CAPS2: variants seen among roughly 807,000 people sequenced by gnomAD.
CAPS2 encodes the protein calcyphosin-2.
In CAPS2, 98 loss-of-function variants were observed where a neutral mutation model predicts 86.5. The ratio of observed to expected loss-of-function variants is 1.13; its 90% confidence interval spans 0.96 to 1.34. The LOEUF is 1.34. Ranked by LOEUF, CAPS2 falls within the 40% of genes most tolerant of loss-of-function variation. The pLI is 0.00. For missense variants in CAPS2, 729 were observed against 686.8 expected (o/e 1.06, Z -0.69); for synonymous variants, 210 against 225.1 (o/e 0.93, Z 0.60).
rs767092008 is a variant in CAPS2, at chr12:75,304,938, A to T, written c.660-62T>A. On this transcript the variant is annotated intron_variant, in intron 7 of 16. Transcript: ENST00000393284. ...GATCATGCATTACTTTAAAATTCAC[A>T]TATTTATAAGCAGTTCTAAAAGCTC... The T allele has an allele frequency of 1.5e-5, 23 of 1,537,652 alleles. No individual in the cohort carries two copies. In the East Asian group the frequency reaches 4.3e-4, roughly 29 times the overall value.
rs577486746 is a variant in CAPS2 at position 75,352,094 on chromosome 12, A to G, written c.-394-28872T>C. ...ACCAACAACACTATGAAGCAACTAT[A>G]TAAATCAGTCTGCAAAATAACCAGC... On this transcript the variant is annotated intron_variant, in intron 1 of 5. Coordinates refer to the CAPS2 transcript ENST00000551829. Among the ~76,000 whole-genome samples the G allele has an allele frequency of 3.3e-5, 5 of 152,356 alleles. No individual in the cohort carries two copies. The East Asian group carries it at 9.7e-4, about 29-fold the overall frequency.
chr12:75,349,132 C>A (rs996847361), intron 1 of CAPS2, among the ~76,000 whole-genome samples: 1 of 152,034 alleles, frequency 6.6e-6, no homozygotes, highest in Non-Finnish European at 1.5e-5. Context: ...AACACATGCA[C>A]GTGAGGAAAC....
Position 75,279,073 on chromosome 12 carries a change from A to G in CAPS2, c.1613-8T>C. ...CTTCCTCTGTTGAATGGCCTATAAA[A>G]TAGTACTGAGTATGAAACAGTTTCC... On this transcript the variant is annotated splice_region_variant and splice_polypyrimidine_tract_variant and intron_variant, in intron 16 of 16. Coordinates refer to ENST00000393284, the Ensembl canonical transcript of CAPS2. The G allele has an allele frequency of 6.4e-7, 1 of 1,572,476 alleles. No individual in the cohort carries two copies. Among genetic ancestry groups the G allele is most frequent in the East Asian group, 2.3e-5 (1 of 44,178 alleles).
At chr12:75,387,001 C>T (rs1225888518) in intron 1 of CAPS2, among the ~76,000 whole-genome samples, 1 of 151,986 alleles carries the variant, frequency 6.6e-6, no homozygotes, top group African/African-American at 2.4e-5. Flanking sequence ...TTTAATTTGG[C>T]AATAACCTTT....
intron 2 of CAPS2, 84 bp downstream of exon 3, chr12:75,325,155 T>C (rs1337206990): frequency 2.3e-6 from 3 of 1,283,358 alleles, no homozygotes; most frequent in African/African-American, 1.5e-5. Context: ...GCTACATTTA[T>C]AATTTTGCTT....
intron 3 of CAPS2, 44 bp downstream of exon 4, chr12:75,323,133 T>C (rs959684882): frequency 6.7e-7 from 1 of 1,494,868 alleles, no homozygotes; most frequent in African/African-American, 1.4e-5. Context: ...ATGTGTAATA[T>C]TGTGTTTTAA....
intron 1 of CAPS2, among the ~76,000 whole-genome samples, chr12:75,361,294 T>C (rs2043571674): frequency 1.3e-5 from 2 of 152,106 alleles, no homozygotes; most frequent in African/African-American, 4.8e-5. Context: ...TAGGTATATG[T>C]AAAATAGGTG....
chr12:75,378,006 T>G (rs2044751788), intron 1 of CAPS2, among the ~76,000 whole-genome samples: 1 of 152,076 alleles, frequency 6.6e-6, no homozygotes, highest in African/African-American at 2.4e-5. Flanking sequence ...TGATACTTTT[T>G]TTTCTTTTTG....
At chr12:75,338,215 G>C (rs1175175355) in intron 1 of CAPS2, among the ~76,000 whole-genome samples, 1 of 152,090 alleles carries the variant, frequency 6.6e-6, no homozygotes, top group Non-Finnish European at 1.5e-5. Context: ...ATAATCAATT[G>C]AATCCAGCAA....
intron 1 of CAPS2, among the ~76,000 whole-genome samples, chr12:75,366,074 CA>C (rs1435626403): frequency 6.6e-6 from 1 of 151,946 alleles, no homozygotes; most frequent in Non-Finnish European, 1.5e-5. Flanking sequence ...ATTTTAAAGC[CA>C]GTTTATTTAT....
At chr12:75,345,795 C>T (rs947133801) in intron 1 of CAPS2, among the ~76,000 whole-genome samples, 1 of 152,144 alleles carries the variant, frequency 6.6e-6, no homozygotes, top group Non-Finnish European at 1.5e-5. Flanking sequence ...TTTGTCTTCT[C>T]TTTTGCTGTA....
At chr12:75,367,846 G>A (rs754677804) in intron 1 of CAPS2, among the ~76,000 whole-genome samples, 1 of 152,060 alleles carries the variant, frequency 6.6e-6, no homozygotes, top group African/African-American at 2.4e-5. Context: ...TTGAGCATAA[G>A]CTGTAACAAT....
At chr12:75,334,626 G>A (rs1344475623), upstream of CAPS2, 1 of 1,522,690 alleles carries the variant, frequency 6.6e-7, no homozygotes, top group African/African-American at 1.4e-5. Flanking sequence ...CGGCAGGATG[G>A]AGCCAAGGGA....
chr12:75,315,169 C>T (rs1011678023), intron 6 of CAPS2, among the ~76,000 whole-genome samples: 1 of 152,018 alleles, frequency 6.6e-6, no homozygotes. Context: ...ATACATTGCT[C>T]CTAATAATGT....
At chr12:75,302,253 C>T (rs910894837) in intron 8 of CAPS2, among the ~76,000 whole-genome samples, 2 of 152,092 alleles carry the variant, frequency 1.3e-5, no homozygotes, top group Non-Finnish European at 2.9e-5. Context: ...TTTCATGGAC[C>T]TAGATTAGCT....
At chr12:75,373,115 G>A (rs1269824056) in intron 1 of CAPS2, among the ~76,000 whole-genome samples, 1 of 152,204 alleles carries the variant, frequency 6.6e-6, no homozygotes, top group Non-Finnish European at 1.5e-5. Context: ...CTCTGCTGCT[G>A]ACACATTGGG....
exon 17 of CAPS2, chr12:75,277,970 T>A (rs568321764): frequency 1.1e-6 from 1 of 875,588 alleles, no homozygotes; most frequent in Admixed American, 6.2e-5. Context: ...ATGTTTAGAA[T>A]ATCATACATT....
intron 1 of CAPS2, among the ~76,000 whole-genome samples, chr12:75,344,812 A>G (rs1398805317): frequency 1.3e-5 from 2 of 152,098 alleles, no homozygotes; most frequent in Non-Finnish European, 2.9e-5. Context: ...TGCTTTTAAA[A>G]TATGTTAGGT....
chr12:75,315,657 G>C (rs1369040868), intron 6 of CAPS2, among the ~76,000 whole-genome samples: 1 of 152,092 alleles, frequency 6.6e-6, no homozygotes, highest in African/African-American at 2.4e-5. Context: ...TGAAACCAGA[G>C]TTTTCCCAAC....
Sources: allele counts gnomAD v4.1 joint callset (sites outside exome capture counted in the v4.1 genomes callset), GRCh38; gene constraint gnomAD v4.1.1; transcripts MANE v1.5; gene names NCBI Gene and HGNC (gene_info 2026-07-23, HGNC 2026-07-21).